CCDC40: variants seen among roughly 807,000 people sequenced by gnomAD.
CCDC40 encodes coiled-coil domain-containing protein 40.
Under a neutral mutation model 124.5 loss-of-function variants are expected in CCDC40, and 104 were observed. That is an observed-to-expected ratio of 0.84 (90% confidence interval 0.71 to 0.98). The LOEUF is 0.98. Among genes scored for constraint, CCDC40 ranks in the 50% least tolerant of loss-of-function variants. CCDC40 has a pLI of 0.00. For missense variants in CCDC40, 1,463 were observed against 1,503.9 expected, an observed-to-expected ratio of 0.97 and a Z score of 0.45; for synonymous variants, 580 against 602.9, an observed-to-expected ratio of 0.96 and a Z score of 0.56.
intron 19 of CCDC40, chr17:80,097,654 G>T: frequency 1.9e-6 from 1 of 538,160 alleles, no homozygotes; most frequent in Non-Finnish European, 3.4e-6. Flanking sequence ...TTACAAAATA[G>T]AACACAAAAA....
In CCDC40 at chr17:80,052,364, A is replaced by G. The variant is rs537527048; in HGVS notation, c.1159+2081A>G. ...GGAGAAAGATGTAGGCTGGGAGGCT[A>G]CACCAGTCTCTCTTTTCACATTTTT... is the stretch of plus-strand genomic sequence containing the variant. On this transcript the variant is annotated intron_variant, in intron 7 of 19. Coordinates refer to ENST00000397545, the MANE Select transcript of CCDC40 (RefSeq NM_017950.4). Among the ~76,000 whole-genome samples the G allele has an allele frequency of 2.8e-4, 42 of 152,292 alleles. 1 individual carries two copies. In the South Asian group the frequency reaches 7.7e-3, roughly 28 times the overall value.
At chr17:80,043,605 CT>C (rs61278841) in intron 3 of CCDC40, among the ~76,000 whole-genome samples, 21,200 of 121,296 alleles carry the variant, frequency 0.17, 2,523 homozygotes, top group African/African-American at 0.42. Flanking sequence ...TCTCCTCTTC[CT>C]TTTTTTTTTT....
chr17:80,080,945 G>T (rs1267052532), intron 10 of CCDC40, among the ~76,000 whole-genome samples: 1 of 152,164 alleles, frequency 6.6e-6, no homozygotes, highest in African/African-American at 2.4e-5. Flanking sequence ...CACGAAGGAA[G>T]GATCATGTGT....
rs1421728010 is a variant in CCDC40, at chr17:80,090,355, C to G, written c.2832+471C>G. On this transcript the variant is annotated intron_variant, in intron 17 of 19. Coordinates refer to ENST00000397545, the MANE Select transcript of CCDC40 (RefSeq NM_017950.4). Reference sequence around the variant, plus strand: ...GGCACGTGCACGAACAAGGGACGCGCGCAGGCACGTGCACGAACACAGGAC... The same window carrying G: ...GGCACGTGCACGAACAAGGGACGCGGGCAGGCACGTGCACGAACACAGGAC... 9 of 1,042,518 alleles carry G rather than the reference C, an allele frequency of 8.6e-6. 1 individual carries two copies. In the East Asian group the frequency reaches 2.0e-4, roughly 23 times the overall value. The allele number at this position is 1,042,518 out of a possible 1,614,324, so 64.6% of individuals were successfully genotyped here.
Position 80,056,000 on chromosome 17 carries a change from A to ATTTTTTTTTTTTT in CCDC40, c.1160-2493_1160-2492insTTTTTTTTTTTTT, listed in dbSNP as rs1285051283. ...AATTTTCATATATATATATATATAT[A>ATTTTTTTTTTTTT]TATATATATATATATATTTTTTTTT... On this transcript the variant is annotated intron_variant, in intron 7 of 19. Transcript: ENST00000397545. Among the ~76,000 whole-genome samples the ATTTTTTTTTTTTT allele has an allele frequency of 4.0e-4, 3 of 7,572 alleles. 1 individual carries two copies. Among genetic ancestry groups the ATTTTTTTTTTTTT allele is most frequent in the Non-Finnish European group, 9.4e-4 (3 of 3,198 alleles). The allele number at this position is 7,572 out of a possible 152,430, so 5.0% of individuals were successfully genotyped here.
intron 10 of CCDC40, among the ~76,000 whole-genome samples, chr17:80,078,198 G>A (rs937311212): frequency 2.6e-4 from 40 of 151,982 alleles, no homozygotes; most frequent in Non-Finnish European, 5.0e-4. Flanking sequence ...GGGCGTGGTG[G>A]CGGGCGCCTG....
intron 10 of CCDC40, among the ~76,000 whole-genome samples, chr17:80,071,675 T>C: frequency 6.6e-6 from 1 of 152,122 alleles, no homozygotes; most frequent in East Asian, 1.9e-4. Flanking sequence ...ATAAATTACA[T>C]GGATGCCCCA....
intron 3 of CCDC40, among the ~76,000 whole-genome samples, chr17:80,044,693 CA>C (rs1327834857): frequency 7.4e-5 from 4 of 54,030 alleles, no homozygotes; most frequent in African/African-American, 3.5e-4. Flanking sequence ...AAAAACAAAA[CA>C]AAACAAACAA....
intron 7 of CCDC40, among the ~76,000 whole-genome samples, chr17:80,051,628 CAAAAAAAAAAAAAAAAA>C (rs200887220): frequency 1.4e-4 from 13 of 94,152 alleles, no homozygotes; most frequent in Non-Finnish European, 2.5e-4. Flanking sequence ...GACTCCGTCT[CAAAAAAAAAAAAAAAAA>C]AAAAAAAAAG....
chr17:80,081,125 G>A (rs534658602), intron 10 of CCDC40, among the ~76,000 whole-genome samples: 2 of 152,274 alleles, frequency 1.3e-5, no homozygotes, highest in South Asian at 2.1e-4. Flanking sequence ...GCTCACACCT[G>A]TAATCCCAGC....
chr17:80,054,143 GATAA>G (rs35529235), intron 7 of CCDC40, among the ~76,000 whole-genome samples: 39,001 of 151,750 alleles, frequency 0.26, 5,675 homozygotes, highest in Middle Eastern at 0.36. Context: ...GAATTGACTT[GATAA>G]ATAAACTGCT....
intron 1 of CCDC40, among the ~76,000 whole-genome samples, chr17:80,037,451 A>C (rs1395474768): frequency 6.6e-6 from 1 of 152,074 alleles, no homozygotes; most frequent in Non-Finnish European, 1.5e-5. Flanking sequence ...TAAAGGTATT[A>C]TTAATAAAAC....
chr17:80,051,621 T>G (rs1167779548), intron 7 of CCDC40, among the ~76,000 whole-genome samples: 1 of 94,118 alleles, frequency 1.1e-5, no homozygotes, highest in East Asian at 3.0e-4. Context: ...AGAGCGAGAC[T>G]CCGTCTCAAA....
At chr17:80,093,987 T>C (rs1008654054) in intron 17 of CCDC40, among the ~76,000 whole-genome samples, 1 of 152,214 alleles carries the variant, frequency 6.6e-6, no homozygotes, top group African/African-American at 2.4e-5. Flanking sequence ...TCCAAGTCAC[T>C]TTATGGTACA....
chr17:80,067,550 T>C, intron 10 of CCDC40: 3 of 1,526,622 alleles, frequency 2.0e-6, no homozygotes, highest in Non-Finnish European at 2.6e-6. Flanking sequence ...ACACCGCTCG[T>C]TCCCGCCTTT....
rs754379326 is a variant in CCDC40, at chr17:80,047,362, C to T, written c.636C>T (p.Ile212=). The T allele has an allele frequency of 9.5e-5, 154 of 1,613,636 alleles. No homozygotes were observed. Among genetic ancestry groups the T allele is most frequent in the Non-Finnish European group, 1.2e-4 (146 of 1,179,842 alleles). ...TCCGGCTGAGCCACGGGAGCGACAT[C>T]GAGTCCTCAGACCTGGAGGAGTTCG... The part of the protein sequence containing the change: ...HRFRLSHGSD[I]ESSDLEEFVS... The change falls in exon 4 of 20, where the codon ATC becomes ATT. Residue 212 remains isoleucine (I), a synonymous_variant. Coordinates refer to ENST00000397545, the MANE Select transcript of CCDC40 (RefSeq NM_017950.4).
At chr17:80,071,399 A>G (rs1414264247) in intron 10 of CCDC40, among the ~76,000 whole-genome samples, 1 of 152,226 alleles carries the variant, frequency 6.6e-6, no homozygotes, top group African/African-American at 2.4e-5. Context: ...ACCCAAGGAC[A>G]AAAGCCACGG....
chr17:80,065,027 C>A (rs1568690496), intron 9 of CCDC40, among the ~76,000 whole-genome samples: 1 of 146,972 alleles, frequency 6.8e-6, no homozygotes, highest in Non-Finnish European at 1.5e-5. Context: ...CCTCCTCTCC[C>A]TCTTCCTCTC....
Position 80,097,280 on chromosome 17 carries a change from G to A in CCDC40, c.3057G>A (p.Leu1019=), listed in dbSNP as rs1442265299. The stretch of plus-strand genomic sequence containing the variant: ...AGTGCACCAAAACCGTCCTGGAACT[G>A]GAAGAAACACAAAGAAATGTGAGCA... ...TDECTKTVLE[L]EETQRNVSSS... Residue 1019 remains leucine, a synonymous_variant, in exon 19 of 20, where the codon CTG becomes CTA. Coordinates refer to ENST00000397545, the MANE Select transcript of CCDC40 (RefSeq NM_017950.4). 1.2e-6 allele frequency: 2 copies of A among 1,613,852 alleles called. No homozygotes were observed. The highest frequency in any genetic ancestry group is 2.7e-5 in the African/African-American group (2 of 74,946).
Sources: allele counts gnomAD v4.1 joint callset (sites outside exome capture counted in the v4.1 genomes callset), GRCh38; gene constraint gnomAD v4.1.1; transcripts MANE v1.5; gene names NCBI Gene and HGNC (gene_info 2026-07-23, HGNC 2026-07-21).